SPACA1: variants seen among roughly 807,000 people sequenced by gnomAD.
SPACA1 encodes sperm acrosome membrane-associated protein 1.
Under a neutral mutation model 32.6 loss-of-function variants are expected in SPACA1, and 17 were observed. The observed-to-expected ratio is 0.52, with a 90% CI of 0.36 to 0.78. The LOEUF (loss-of-function observed/expected upper bound fraction) is 0.78, where lower values mean the gene tolerates loss of function less well. Among genes scored for constraint, SPACA1 ranks in the 30% least tolerant of loss-of-function variants. The pLI, the probability that SPACA1 is intolerant of heterozygous loss-of-function variation, is 0.01. For synonymous variants in SPACA1, 140 were observed against 138.1 expected (o/e 1.01, Z -0.10); for missense variants, 363 against 373.4 (o/e 0.97, Z 0.23).
chr6:88,065,289 C>G (rs1374855058), intron 6 of SPACA1, among the ~76,000 whole-genome samples: 1 of 147,626 alleles, frequency 6.8e-6, no homozygotes, highest in Admixed American at 6.8e-5. Context: ...GAATGAAAAA[C>G]ACTTATTAGA....
At chr6:88,061,758 G>A (rs1775901117) in intron 5 of SPACA1, among the ~76,000 whole-genome samples, 1 of 152,112 alleles carries the variant, frequency 6.6e-6, no homozygotes, top group African/African-American at 2.4e-5. Flanking sequence ...CTTTGTTATG[G>A]TGGTCCTAGG....
At chr6:88,064,797 T>C (rs1002385353) in intron 6 of SPACA1, among the ~76,000 whole-genome samples, 1 of 148,492 alleles carries the variant, frequency 6.7e-6, no homozygotes, top group African/African-American at 2.5e-5. Context: ...GTACATATAA[T>C]GTATATACAA....
At chr6:88,052,652 C>A (rs1017815171) in intron 1 of SPACA1, among the ~76,000 whole-genome samples, 2 of 152,082 alleles carry the variant, frequency 1.3e-5, no homozygotes, top group African/African-American at 4.8e-5. Context: ...GCCTGGCCAA[C>A]ATGGTGAAAC....
At chr6:88,057,578 CT>C in intron 2 of SPACA1, 33 bp from the exon 3 acceptor site, 1 of 1,499,582 alleles carries the variant, frequency 6.7e-7, no homozygotes, top group Non-Finnish European at 9.3e-7. Flanking sequence ...CAGTTTTTTT[CT>C]TAACATTTGC....
At chr6:88,066,053 A>G (rs943131580) in intron 6 of SPACA1, 129 bp from the exon 7 acceptor site, 7 of 605,346 alleles carry the variant, frequency 1.2e-5, no homozygotes, top group Non-Finnish European at 1.8e-5. Context: ...TGTACCATAT[A>G]TAATATATAC....
rs566030978 is a variant in SPACA1 at position 88,063,588 on chromosome 6, G to A, written c.611-511G>A. 2.0e-5 allele frequency among the ~76,000 whole-genome samples: 3 copies of A among 152,054 alleles called. No homozygotes were observed. The East Asian group carries it at 5.8e-4, about 29-fold the overall frequency. Reference sequence around the variant, plus strand: ...GGAAGAGGCTCAAGGGAACTTTCTGGGGTATAGTAATATTCTATATCTTGA... The same window carrying A: ...GGAAGAGGCTCAAGGGAACTTTCTGAGGTATAGTAATATTCTATATCTTGA... On this transcript the variant is annotated intron_variant, in intron 5 of 6. Transcript: ENST00000237201.
chr6:88,059,581 G>A lies in SPACA1; in HGVS notation c.603G>A (p.Thr201=), dbSNP rs117078336. ...IVATIKFTVY[T]SSELQMRRSS... ...CAACTATTAAATTCACAGTCTATAC[G>A]AGCAGTGGTAAGTGTCCAGCAATGT... The change falls in exon 5 of 7, where the codon ACG becomes ACA. Residue 201 remains threonine, a synonymous_variant. Coordinates refer to ENST00000237201, the MANE Select transcript of SPACA1 (RefSeq NM_030960.3). 6.1e-3 allele frequency: 9,874 copies of A among 1,610,992 alleles called. 39 individuals carry two copies. Among genetic ancestry groups the A allele is most frequent in the Middle Eastern group, 9.1e-3 (55 of 6,052 alleles).
intron 5 of SPACA1, among the ~76,000 whole-genome samples, chr6:88,060,008 CAGTAA>C (rs1321785456): frequency 3.9e-5 from 6 of 152,000 alleles, no homozygotes; most frequent in Non-Finnish European, 7.4e-5. Flanking sequence ...AATTTTCATT[CAGTAA>C]AGTAAATAAA....
At chr6:88,051,510 G>A (rs1335983932) in intron 1 of SPACA1, among the ~76,000 whole-genome samples, 1 of 152,154 alleles carries the variant, frequency 6.6e-6, no homozygotes, top group Non-Finnish European at 1.5e-5. Flanking sequence ...TCAGGATCTG[G>A]CCACAACTAA....
At position 88,066,292 on chromosome 6, in the gene SPACA1, A is replaced by T; in HGVS notation, c.842A>T (p.Glu281Val). The change falls in exon 7 of 7, where the codon GAA (glutamate) becomes GTA (valine). Residue 281 changes from glutamate (E) to valine (V), a missense_variant. Glu to Val is a moderately radical substitution (Grantham distance 121, BLOSUM62 -2). Transcript: ENST00000237201. ...DSTSLDQLPT[E>V]MPGEDDALSE... is the part of the protein sequence containing the mutation. ...ACTTCTCTTGACCAATTACCAACAG[A>T]AATGCCTGGTGAAGATGATGCTTTA... 2 of 1,612,380 alleles carry T rather than the reference A, an allele frequency of 1.2e-6. No homozygotes were observed. The highest frequency in any genetic ancestry group is 1.7e-6 in the Non-Finnish European group (2 of 1,178,842).
intron 5 of SPACA1, among the ~76,000 whole-genome samples, chr6:88,062,792 G>C (rs1775916057): frequency 6.6e-6 from 1 of 152,092 alleles, no homozygotes; most frequent in Non-Finnish European, 1.5e-5. Context: ...CCTAAAGAGA[G>C]AGGGGTCGGG....
chr6:88,063,339 A>T (rs1334310452), intron 5 of SPACA1, among the ~76,000 whole-genome samples: 1 of 152,186 alleles, frequency 6.6e-6, no homozygotes, highest in Non-Finnish European at 1.5e-5. Context: ...GGATGAGTAA[A>T]CAAATTGTGG....
intron 3 of SPACA1, 96 bp from the exon 4 acceptor site, chr6:88,058,620 C>A: frequency 1.2e-6 from 1 of 802,342 alleles, no homozygotes; most frequent in Admixed American, 2.4e-5. Flanking sequence ...GCCTGGGTGA[C>A]AGAACCAGAT....
intron 2 of SPACA1, among the ~76,000 whole-genome samples, chr6:88,056,226 C>T (rs1342350691): frequency 2.0e-5 from 3 of 151,098 alleles, no homozygotes; most frequent in East Asian, 2.0e-4. Context: ...TAGTGGCACG[C>T]GCCTGTAATC....
chr6:88,059,272 G>A (rs1775855213), intron 4 of SPACA1, among the ~76,000 whole-genome samples, 181 bp from the exon 5 acceptor site: 1 of 152,170 alleles, frequency 6.6e-6, no homozygotes, highest in Non-Finnish European at 1.5e-5. Flanking sequence ...CACACAGGCA[G>A]GAAGTGGTAG....
At chr6:88,059,388 A>C (rs1582273156) in intron 4 of SPACA1, 65 bp from the exon 5 acceptor site, 1 of 1,382,992 alleles carries the variant, frequency 7.2e-7, no homozygotes, top group East Asian at 2.6e-5. Context: ...AAGGGAAATA[A>C]ATTGTTTCCT....
chr6:88,059,406 G>A, intron 4 of SPACA1, 47 bp from the exon 5 acceptor site: 1 of 1,488,064 alleles, frequency 6.7e-7, no homozygotes, highest in African/African-American at 1.4e-5. Flanking sequence ...CCTGGTAAGT[G>A]TACATGAAAA....
At position 88,057,619 on chromosome 6, in the gene SPACA1, T is replaced by A. The variant is rs760580332; in HGVS notation, c.273T>A (p.Gly91=). The change falls in exon 3 of 7, where the codon GGT becomes GGA. Residue 91 remains glycine, a synonymous_variant. Coordinates refer to ENST00000237201, the MANE Select transcript of SPACA1 (RefSeq NM_030960.3). ...TTAAATTTTAAACCAAAGGTATTGG[T>A]GTTAGAGAAGTTATATTAACAAATG... ...FGMCTVTCGI[G]VREVILTNGC... 3 of 1,612,634 alleles carry A rather than the reference T, an allele frequency of 1.9e-6. No individual in the cohort carries two copies. The South Asian group carries it at 3.3e-5, about 18-fold the overall frequency.
intron 1 of SPACA1, among the ~76,000 whole-genome samples, chr6:88,052,520 T>G (rs1433264761): frequency 1.3e-5 from 2 of 152,160 alleles, no homozygotes; most frequent in Non-Finnish European, 2.9e-5. Context: ...TTATGTGCAT[T>G]GGGTGCTTAC....
Sources: gnomAD v4.1 joint callset for allele counts (sites outside exome capture counted in the v4.1 genomes callset) on GRCh38, gnomAD v4.1.1 for gene constraint, MANE v1.5 for transcripts, NCBI Gene and HGNC (gene_info 2026-07-23, HGNC 2026-07-21) for gene names.